Variants in GAS7 observed in about 807,000 individuals in gnomAD.
GAS7 encodes growth arrest specific 7, also known as growth arrest-specific protein 7.
A neutral mutation model predicts 71.1 loss-of-function variants in GAS7; 28 were observed. The observed-to-expected ratio is 0.39, with a 90% CI of 0.29 to 0.54. The LOEUF (loss-of-function observed/expected upper bound fraction) is 0.54, where lower values mean the gene tolerates loss of function less well. Ranked by LOEUF, GAS7 falls within the 20% of genes least tolerant of loss-of-function variation. The pLI is 0.62. For synonymous variants in GAS7, 258 were observed against 245.8 expected, an observed-to-expected ratio of 1.05 and a Z score of -0.46; for missense variants, 436 against 627.8, an observed-to-expected ratio of 0.69 and a Z score of 3.27.
rs34994635 is a variant in GAS7 at position 9,919,969 on chromosome 17, TTGTGTGTGTGTGTGTGTG to T, written c.1139-282_1139-265del. Among the ~76,000 whole-genome samples the T allele has an allele frequency of 4.6e-4, 60 of 131,498 alleles. No homozygotes were observed. The highest frequency in any genetic ancestry group is 8.7e-4 in the African/African-American group (30 of 34,354). The allele number at this position is 131,498 out of a possible 152,430, so 86.3% of individuals were successfully genotyped here. ...AGGATTCAGGATGGTGGTTCTCATTTTGTGTGTGTGTGTGTGTGTGTGTGTGTGTGTGTGTGTGTGTGT... is the reference window on the plus strand; with the variant it reads ...AGGATTCAGGATGGTGGTTCTCATTTTGTGTGTGTGTGTGTGTGTGTGTGT... On this transcript the variant is annotated intron_variant, in intron 11 of 13. Coordinates refer to ENST00000432992, the MANE Select transcript of GAS7 (RefSeq NM_201433.2). The surrounding 1 kb of genome is among the most constrained non-coding windows in gnomAD (Gnocchi z 5.0).
intron 1 of GAS7, among the ~76,000 whole-genome samples, chr17:10,071,181 G>A (rs1359900210): frequency 6.6e-6 from 1 of 151,948 alleles, no homozygotes; most frequent in African/African-American, 2.4e-5. Context: ...GAGAGCCAGT[G>A]AGGCGACTTG....
intron 1 of GAS7, among the ~76,000 whole-genome samples, chr17:10,093,552 CAAA>C (rs60319441): frequency 0.019 from 1,244 of 66,008 alleles, 9 homozygotes; most frequent in South Asian, 0.047. Context: ...GACTCCGTCT[CAAA>C]AAAAAAAAAA....
At chr17:10,164,205 G>A (rs1444888039) in intron 1 of GAS7, among the ~76,000 whole-genome samples, 1 of 152,070 alleles carries the variant, frequency 6.6e-6, no homozygotes, top group Non-Finnish European at 1.5e-5. Context: ...CACTTTGGGA[G>A]GCCGAGGCGG....
chr17:9,933,077 C>A (rs2068266773), intron 9 of GAS7, among the ~76,000 whole-genome samples: 1 of 152,074 alleles, frequency 6.6e-6, no homozygotes, highest in African/African-American at 2.4e-5. Flanking sequence ...GAGGCTGAGG[C>A]AGGAGAATCA....
intron 2 of GAS7, among the ~76,000 whole-genome samples, chr17:10,001,651 T>C (rs3786084): frequency 0.23 from 35,698 of 151,908 alleles, 6,372 homozygotes; most frequent in African/African-American, 0.51. Context: ...ATTCTGGAAA[T>C]GCAAGGAAGA....
intron 1 of GAS7, among the ~76,000 whole-genome samples, chr17:10,108,125 GAACC>G: frequency 6.6e-6 from 1 of 152,342 alleles, no homozygotes; most frequent in African/African-American, 2.4e-5. Flanking sequence ...CTGGGCTGGA[GAACC>G]ACATGGCCCA....
intron 2 of GAS7, among the ~76,000 whole-genome samples, chr17:10,017,178 A>AAAT (rs1335610177): frequency 6.6e-6 from 1 of 150,626 alleles, no homozygotes; most frequent in African/African-American, 2.5e-5. Flanking sequence ...ATAAATAAAT[A>AAAT]AAGAGAGGAA....
intron 1 of GAS7, among the ~76,000 whole-genome samples, chr17:10,126,243 G>A (rs1040560963): frequency 6.6e-6 from 1 of 152,140 alleles, no homozygotes; most frequent in African/African-American, 2.4e-5. Flanking sequence ...GGAACTTCCT[G>A]GAGTTCTCAG....
At chr17:10,085,712 AAG>A (rs1555531940) in intron 1 of GAS7, among the ~76,000 whole-genome samples, 35 of 150,268 alleles carry the variant, frequency 2.3e-4, no homozygotes, top group African/African-American at 5.4e-4. Context: ...AAAAAAAAGA[AAG>A]AAAGAAAGAA....
chr17:10,182,517 T>C (rs1369300475), intron 1 of GAS7, among the ~76,000 whole-genome samples: 1 of 152,200 alleles, frequency 6.6e-6, no homozygotes, highest in African/African-American at 2.4e-5. Flanking sequence ...TCTTGAATTA[T>C]TTCCTGTGTG....
Position 9,913,843 on chromosome 17 carries a change from T to TC in GAS7, c.*3384dup, listed in dbSNP as rs1366971584. 4.3e-6 allele frequency: 1 copy of TC among 231,540 alleles called. No individual in the cohort carries two copies. The highest frequency in any genetic ancestry group is 2.2e-5 in the African/African-American group (1 of 45,250). 14.3% of individuals were successfully genotyped at this position (231,540 alleles called of 1,614,324 possible). A position where few individuals can be genotyped will look rare whatever the true frequency, so the allele number is the denominator to read the frequency against. The stretch of plus-strand genomic sequence containing the variant: ...CATTTGGCTTAAGGAATTTTTTTTT[T>TC]CTTTTTAAATCAGGCTTTCACAAAC... On this transcript the variant is annotated 3_prime_UTR_variant, in exon 14 of 14. Transcript: ENST00000432992.
intron 1 of GAS7, among the ~76,000 whole-genome samples, chr17:10,147,214 T>C (rs1319389290): frequency 1.3e-5 from 2 of 152,202 alleles, no homozygotes; most frequent in African/African-American, 2.4e-5. Context: ...CACTGAAAAG[T>C]ACTTTGTTCA....
intron 1 of GAS7, among the ~76,000 whole-genome samples, chr17:10,161,260 G>A (rs1375431169): frequency 6.6e-6 from 1 of 152,166 alleles, no homozygotes; most frequent in East Asian, 1.9e-4. Flanking sequence ...AGGTCCTAGG[G>A]AGGGAAGAAG....
intron 1 of GAS7, among the ~76,000 whole-genome samples, chr17:10,059,171 T>C (rs1434071790): frequency 6.6e-6 from 1 of 152,144 alleles, no homozygotes; most frequent in Non-Finnish European, 1.5e-5. Flanking sequence ...GCAGAGCGTG[T>C]CACCTCTCTG....
chr17:10,142,773 T>G (rs2074092872), intron 1 of GAS7, among the ~76,000 whole-genome samples: 1 of 152,218 alleles, frequency 6.6e-6, no homozygotes, highest in Non-Finnish European at 1.5e-5. Flanking sequence ...AATTTTTTAA[T>G]TGGTTGCAAC....
At chr17:10,078,749 C>T (rs73273841) in intron 1 of GAS7, among the ~76,000 whole-genome samples, 2,808 of 152,228 alleles carry the variant, frequency 0.018, 78 homozygotes, top group African/African-American at 0.065. Context: ...ACAGTATAAA[C>T]ATATCATTTA....
At chr17:9,986,699 C>A (rs2070662483) in intron 2 of GAS7, among the ~76,000 whole-genome samples, 1 of 152,192 alleles carries the variant, frequency 6.6e-6, no homozygotes, top group Non-Finnish European at 1.5e-5. Flanking sequence ...TGGTCAACTC[C>A]CAGACCCCCC....
intron 1 of GAS7, among the ~76,000 whole-genome samples, chr17:10,167,931 T>G (rs1439016582): frequency 6.6e-6 from 1 of 152,048 alleles, no homozygotes; most frequent in African/African-American, 2.4e-5. Flanking sequence ...ACTCCTGGGC[T>G]CAAGCCACCT....
rs1433403146 is a variant in GAS7 at position 9,959,323 on chromosome 17, G to A, written c.472-68C>T. 3.1e-6 allele frequency: 5 copies of A among 1,608,700 alleles called. No individual in the cohort carries two copies. The highest frequency in any genetic ancestry group is 3.4e-6 in the Non-Finnish European group (4 of 1,177,384). ...ATTGGACATTTTTTCCCCCCATTCA[G>A]GTTCCCTGAGGGTGGAGGCGCTGGG... On this transcript the variant is annotated intron_variant, in intron 4 of 13. Transcript: ENST00000432992. The surrounding 1 kb of genome is among the most constrained non-coding windows in gnomAD (Gnocchi z 5.0).
Sources: allele counts gnomAD v4.1 joint callset (sites outside exome capture counted in the v4.1 genomes callset), GRCh38; gene constraint gnomAD v4.1.1; non-coding constraint Gnocchi (gnomAD v3.1); transcripts MANE v1.5; gene names NCBI Gene and HGNC (gene_info 2026-07-23, HGNC 2026-07-21).